GRID2: variants seen among roughly 807,000 people sequenced by gnomAD.
GRID2 encodes glutamate ionotropic receptor delta type subunit 2.
Under a neutral mutation model 114.8 loss-of-function variants are expected in GRID2, and 33 were observed. The ratio of observed to expected loss-of-function variants is 0.29; its 90% CI spans 0.22 to 0.38. The LOEUF is 0.38. GRID2 is among the 10% of genes least tolerant of loss of function. The pLI, the probability that GRID2 is intolerant of heterozygous loss-of-function variation, is 1.00. For missense variants in GRID2, 1,184 were observed against 1,257.7 expected (o/e 0.94, Z 0.89); for synonymous variants, 505 against 449.9 (o/e 1.12, Z -1.55).
In GRID2 at chr4:92,964,404, G is replaced by C. The variant is rs1367788893; in HGVS notation, c.245-120591G>C. ...GGGCCCTGTCAGGCATAGGGGACAAGAGGAGGGAGAGCATTAGAACAAATG... is the reference window on the plus strand; with the variant it reads ...GGGCCCTGTCAGGCATAGGGGACAACAGGAGGGAGAGCATTAGAACAAATG... On this transcript the variant is annotated intron_variant, in intron 2 of 15. Coordinates refer to ENST00000282020, the MANE Select transcript of GRID2 (RefSeq NM_001510.4). Among the ~76,000 whole-genome samples, 6 of 152,038 alleles carry C rather than the reference G, an allele frequency of 3.9e-5. No homozygotes were observed. In the East Asian group the frequency reaches 1.2e-3, roughly 29 times the overall value.
intron 2 of GRID2, among the ~76,000 whole-genome samples, chr4:93,056,524 A>G (rs958442216): frequency 6.6e-6 from 1 of 151,988 alleles, no homozygotes; most frequent in African/African-American, 2.4e-5. Flanking sequence ...GCCTGAAACA[A>G]GGTCTTCTAA....
At chr4:92,748,838 A>G (rs937174221) in intron 2 of GRID2, among the ~76,000 whole-genome samples, 4 of 150,076 alleles carry the variant, frequency 2.7e-5, no homozygotes, top group African/African-American at 9.8e-5. Context: ...ATTTTTTTGT[A>G]TTTTTACTAA....
intron 1 of GRID2, among the ~76,000 whole-genome samples, chr4:92,334,748 G>A (rs1243263147): frequency 6.6e-6 from 1 of 152,140 alleles, no homozygotes; most frequent in Non-Finnish European, 1.5e-5. Context: ...ATAAATTTTG[G>A]GGGACACATT....
chr4:92,688,709 A>G (rs570053154), intron 2 of GRID2, among the ~76,000 whole-genome samples: 2 of 152,254 alleles, frequency 1.3e-5, no homozygotes, highest in African/African-American at 4.8e-5. Context: ...TAAGCCTCCC[A>G]AAGTCATCCA....
At chr4:93,229,159 TA>T (rs1745829925) in intron 7 of GRID2, among the ~76,000 whole-genome samples, 1 of 151,552 alleles carries the variant, frequency 6.6e-6, no homozygotes, top group Admixed American at 6.6e-5. Context: ...AATGGATTTT[TA>T]GAAAAAAAAA....
intron 4 of GRID2, among the ~76,000 whole-genome samples, chr4:93,131,695 G>T (rs1734820260): frequency 6.6e-6 from 1 of 151,634 alleles, no homozygotes; most frequent in Non-Finnish European, 1.5e-5. Context: ...TTGTTATAAG[G>T]ATACAATCTG....
intron 1 of GRID2, among the ~76,000 whole-genome samples, chr4:92,452,716 G>A (rs1720989583): frequency 6.6e-6 from 1 of 151,768 alleles, no homozygotes; most frequent in Non-Finnish European, 1.5e-5. Context: ...AACAATTTGT[G>A]AGAACTTGTA....
chr4:92,619,904 T>C (rs1023069654), intron 2 of GRID2, among the ~76,000 whole-genome samples: 3 of 151,496 alleles, frequency 2.0e-5, no homozygotes, highest in Non-Finnish European at 4.4e-5. Flanking sequence ...GCCTTTTTTT[T>C]TCCCCCACAG....
intron 1 of GRID2, among the ~76,000 whole-genome samples, chr4:92,482,592 C>A (rs1722668015): frequency 6.6e-6 from 1 of 152,118 alleles, no homozygotes; most frequent in African/African-American, 2.4e-5. Flanking sequence ...ACAATAGTTA[C>A]CCAATTAAAA....
At chr4:92,446,635 A>C (rs995946550) in intron 1 of GRID2, among the ~76,000 whole-genome samples, 3 of 152,142 alleles carry the variant, frequency 2.0e-5, no homozygotes, top group African/African-American at 7.2e-5. Flanking sequence ...CACTGTTGGA[A>C]CTTGTTTTTG....
intron 1 of GRID2, among the ~76,000 whole-genome samples, chr4:92,509,013 G>A (rs1319904398): frequency 3.3e-5 from 5 of 151,836 alleles, no homozygotes; most frequent in African/African-American, 1.2e-4. Context: ...GTTATAGTGA[G>A]CTATGATTGC....
At chr4:92,980,558 G>A (rs558705324) in intron 2 of GRID2, among the ~76,000 whole-genome samples, 1 of 151,948 alleles carries the variant, frequency 6.6e-6, no homozygotes, top group African/African-American at 2.4e-5. Flanking sequence ...TATATTTGTT[G>A]TTATGTAGTA....
At chr4:92,744,917 G>A (rs897088268) in intron 2 of GRID2, among the ~76,000 whole-genome samples, 3 of 152,134 alleles carry the variant, frequency 2.0e-5, no homozygotes, top group Admixed American at 2.0e-4. Context: ...GCAAAGGGAA[G>A]GGCTAATTTA....
chr4:92,477,878 T>C (rs1227138512), intron 1 of GRID2, among the ~76,000 whole-genome samples: 1 of 148,748 alleles, frequency 6.7e-6, no homozygotes, highest in African/African-American at 2.5e-5. Context: ...CACACACACA[T>C]AGAGATACAC....
chr4:93,457,819 A>G (rs570066063), intron 11 of GRID2, among the ~76,000 whole-genome samples: 31 of 152,308 alleles, frequency 2.0e-4, no homozygotes, highest in African/African-American at 6.0e-4. Flanking sequence ...AATAAAACAG[A>G]AAAAACAGAT....
intron 2 of GRID2, among the ~76,000 whole-genome samples, chr4:93,023,050 G>C (rs1723533205): frequency 6.6e-6 from 1 of 151,256 alleles, no homozygotes; most frequent in South Asian, 2.1e-4. Context: ...TTGATTTTAG[G>C]ACATTTAATG....
At chr4:93,490,839 A>T (rs1346300574) in intron 12 of GRID2, 62 bp downstream of exon 12, 1 of 1,137,926 alleles carries the variant, frequency 8.8e-7, no homozygotes. Context: ...GGCCAAAGCT[A>T]TCTGAGAATA....
At chr4:93,146,520 C>T (rs1249289061) in intron 4 of GRID2, among the ~76,000 whole-genome samples, 2 of 151,732 alleles carry the variant, frequency 1.3e-5, no homozygotes, top group African/African-American at 4.8e-5. Flanking sequence ...ATTCAATGGA[C>T]CCATGTGCAC....
intron 2 of GRID2, among the ~76,000 whole-genome samples, chr4:92,819,410 T>C: frequency 6.6e-6 from 1 of 152,164 alleles, no homozygotes; most frequent in Non-Finnish European, 1.5e-5. Flanking sequence ...GGCACATGTA[T>C]GGGGGCGGCA....
Sources: gnomAD v4.1 joint callset for allele counts (sites outside exome capture counted in the v4.1 genomes callset) on GRCh38, gnomAD v4.1.1 for gene constraint, MANE v1.5 for transcripts, NCBI Gene and HGNC (gene_info 2026-07-23, HGNC 2026-07-21) for gene names.